The following CELF2 variants were observed in gnomAD, a reference collection of about 807,000 sequenced individuals.
CELF2 encodes the protein CUG triplet repeat RNA-binding protein 2.
Under a neutral mutation model 62.6 loss-of-function variants are expected in CELF2, and 8 were observed. The ratio of observed to expected loss-of-function variants is 0.13; its 90% confidence interval spans 0.07 to 0.23. The LOEUF (loss-of-function observed/expected upper bound fraction) is 0.23. CELF2 is among the 10% of genes least tolerant of loss of function. CELF2 has a pLI of 1.00. For missense variants in CELF2, 333 were observed against 671.0 expected (o/e 0.50, Z 5.56); for synonymous variants, 258 against 250.0 (o/e 1.03, Z -0.30).
chr10:10,757,434 C>A, the CELF2 span, among the ~76,000 whole-genome samples: 3 of 152,076 alleles, frequency 2.0e-5, no homozygotes, highest in Non-Finnish European at 2.9e-5. Flanking sequence ...CTGTCTCTGT[C>A]TCTTAAAACA....
the CELF2 span, among the ~76,000 whole-genome samples, chr10:10,482,884 T>C: frequency 6.6e-6 from 1 of 152,160 alleles, no homozygotes; most frequent in Non-Finnish European, 1.5e-5. Flanking sequence ...CCTGTCACTG[T>C]TTGATAGCTC....
chr10:10,982,327 G>A (rs1473824945), intron 2 of CELF2, among the ~76,000 whole-genome samples: 1 of 152,150 alleles, frequency 6.6e-6, no homozygotes, highest in Non-Finnish European at 1.5e-5. Flanking sequence ...AGAAATGATA[G>A]GTAGAGGTGT....
intron 1 of CELF2, among the ~76,000 whole-genome samples, chr10:10,915,358 G>A (rs2064231766): frequency 6.6e-6 from 1 of 152,160 alleles, no homozygotes; most frequent in South Asian, 2.1e-4. Context: ...GCCAGGCACT[G>A]AGTATTCAAC....
the CELF2 span, among the ~76,000 whole-genome samples, chr10:10,658,563 T>C: frequency 4.6e-5 from 7 of 152,226 alleles, no homozygotes; most frequent in Non-Finnish European, 1.0e-4. Context: ...AACCAAAATC[T>C]TGGCCAATTT....
rs1169608667 is a variant in CELF2 at position 11,306,623 on chromosome 10, G to A, written c.977-7516G>A. 6.6e-6 allele frequency among the ~76,000 whole-genome samples: 1 copy of A among 152,184 alleles called. No homozygotes were observed. Among genetic ancestry groups the A allele is most frequent in the Non-Finnish European group, 1.5e-5 (1 of 68,046 alleles). On this transcript the variant is annotated intron_variant, in intron 9 of 12. Coordinates refer to ENST00000633077, the MANE Select transcript of CELF2 (RefSeq NM_001326342.2). This position sits in a 1 kb window ranked among gnomAD's most constrained non-coding sequence, Gnocchi z 4.4. ...AATAAAACTACCCTCTTACAACTGA[G>A]ATGCCAGTTGGGGTGAATTTTCAAA...
the CELF2 span, among the ~76,000 whole-genome samples, chr10:10,561,161 G>C: frequency 6.6e-6 from 1 of 152,008 alleles, no homozygotes; most frequent in African/African-American, 2.4e-5. Context: ...ATAACTTATG[G>C]AAAAATAAAA....
At chr10:10,933,292 G>A (rs1252479766) in intron 2 of CELF2, among the ~76,000 whole-genome samples, 1 of 152,050 alleles carries the variant, frequency 6.6e-6, no homozygotes, top group Non-Finnish European at 1.5e-5. Flanking sequence ...GACAGACTGA[G>A]ACCATATATA....
At chr10:11,000,007 C>T (rs1054572314) in intron 2 of CELF2, among the ~76,000 whole-genome samples, 3 of 152,176 alleles carry the variant, frequency 2.0e-5, no homozygotes, top group Admixed American at 6.5e-5. Context: ...TATTAAACGC[C>T]TAACTTATGA....
chr10:10,939,035 C>T (rs544126196), intron 2 of CELF2, among the ~76,000 whole-genome samples: 1 of 152,294 alleles, frequency 6.6e-6, no homozygotes, highest in African/African-American at 2.4e-5. Context: ...ACCTTCAGGG[C>T]AGGCTGAGGT....
At chr10:10,514,006 C>A in the CELF2 span, among the ~76,000 whole-genome samples, 1 of 152,184 alleles carries the variant, frequency 6.6e-6, no homozygotes, top group African/African-American at 2.4e-5. Flanking sequence ...CTCTTGCCAG[C>A]AATGGAAGAG....
chr10:11,085,886 C>T (rs1185758237), intron 1 of CELF2, among the ~76,000 whole-genome samples: 1 of 152,004 alleles, frequency 6.6e-6, no homozygotes, highest in Non-Finnish European at 1.5e-5. Flanking sequence ...GAATCCAGAC[C>T]TTCACAATAA....
intron 11 of CELF2, among the ~76,000 whole-genome samples, chr10:11,323,025 C>T (rs1395760173): frequency 6.6e-6 from 1 of 152,044 alleles, no homozygotes; most frequent in African/African-American, 2.4e-5. Flanking sequence ...CAGGGCCTTC[C>T]AGTAAACTCT....
the CELF2 span, among the ~76,000 whole-genome samples, chr10:10,614,495 C>T: frequency 6.6e-6 from 1 of 152,078 alleles, no homozygotes; most frequent in Admixed American, 6.5e-5. Flanking sequence ...TTAAACAAAA[C>T]AAAACTAAAC....
intron 1 of CELF2, among the ~76,000 whole-genome samples, chr10:10,815,187 ATTCTAATCAGGTT>A (rs2056336273): frequency 6.6e-6 from 1 of 152,124 alleles, no homozygotes; most frequent in Admixed American, 6.5e-5. Context: ...CCTGGCCCAG[ATTCTAATCAGGTT>A]TTCTCCCAGG....
the CELF2 span, among the ~76,000 whole-genome samples, chr10:10,575,586 T>C: frequency 8.5e-5 from 13 of 152,184 alleles, no homozygotes; most frequent in Non-Finnish European, 4.4e-5. Flanking sequence ...TCTCTCACCA[T>C]GTGGTTTCTC....
the CELF2 span, among the ~76,000 whole-genome samples, chr10:10,547,333 C>A: frequency 6.6e-6 from 1 of 152,064 alleles, no homozygotes; most frequent in Non-Finnish European, 1.5e-5. Flanking sequence ...CAGTAATGGC[C>A]TTAATTGGTT....
intron 2 of CELF2, among the ~76,000 whole-genome samples, chr10:10,978,545 C>T (rs993795996): frequency 1.3e-5 from 2 of 152,134 alleles, no homozygotes; most frequent in African/African-American, 2.4e-5. Flanking sequence ...AGGAGATTGA[C>T]AACTACATGT....
intron 1 of CELF2, among the ~76,000 whole-genome samples, chr10:10,893,816 A>T (rs377716052): frequency 6.6e-6 from 1 of 152,152 alleles, no homozygotes; most frequent in African/African-American, 2.4e-5. Context: ...TATCTCAAGA[A>T]CAGCACCGAG....
chr10:11,245,328 T>C (rs530053265), intron 3 of CELF2, among the ~76,000 whole-genome samples: 79 of 152,352 alleles, frequency 5.2e-4, no homozygotes, highest in African/African-American at 1.9e-3. Flanking sequence ...TTACATCTTG[T>C]ATGTGATCAG....
Sources: allele counts gnomAD v4.1 joint callset (sites outside exome capture counted in the v4.1 genomes callset), GRCh38; gene constraint gnomAD v4.1.1; non-coding constraint Gnocchi (gnomAD v3.1); transcripts MANE v1.5; gene names NCBI Gene and HGNC (gene_info 2026-07-23, HGNC 2026-07-21).